TMCC1: variants seen among roughly 807,000 people sequenced by gnomAD.
The protein encoded by TMCC1 is transmembrane and coiled-coil domains protein 1.
Under a neutral mutation model 52.4 loss-of-function variants are expected in TMCC1, and 15 were observed. That is an observed-to-expected ratio of 0.29 (90% confidence interval 0.19 to 0.44). The LOEUF is 0.44. Ranked by LOEUF, TMCC1 falls within the 20% of genes least tolerant of loss-of-function variation. TMCC1 has a pLI of 1.00. For synonymous variants in TMCC1, 279 were observed against 301.9 expected, an observed-to-expected ratio of 0.92 and a Z score of 0.79; for missense variants, 503 against 806.0, an observed-to-expected ratio of 0.62 and a Z score of 4.55.
At chr3:129,845,182 T>C (rs1439135904) in intron 2 of TMCC1, among the ~76,000 whole-genome samples, 1 of 66,212 alleles carries the variant, frequency 1.5e-5, no homozygotes, top group Non-Finnish European at 3.0e-5. Flanking sequence ...AGCAAGTCCC[T>C]GTCACACTCA....
At chr3:129,891,984 G>A (rs2061985573) in intron 1 of TMCC1, among the ~76,000 whole-genome samples, 1 of 152,176 alleles carries the variant, frequency 6.6e-6, no homozygotes, top group African/African-American at 2.4e-5. Flanking sequence ...CAGGTCTTTT[G>A]TGCTCATAAA....
intron 4 of TMCC1, among the ~76,000 whole-genome samples, chr3:129,728,868 G>A (rs551042266): frequency 6.6e-6 from 1 of 152,152 alleles, no homozygotes; most frequent in Non-Finnish European, 1.5e-5. Flanking sequence ...CAATGTCTTT[G>A]AGATGCATAA....
chr3:129,891,954 C>T (rs1017485242), intron 1 of TMCC1, among the ~76,000 whole-genome samples: 2 of 152,286 alleles, frequency 1.3e-5, no homozygotes, highest in East Asian at 3.9e-4. Flanking sequence ...CACTGGGGTT[C>T]TTCATCAAAT....
rs531075714 is a variant in TMCC1 at position 129,784,971 on chromosome 3, C to A, written c.576+42832G>T. ...CTCCAGCCTGGGTGACAGAGCGAGA[C>A]CCTCATCTCTTTTAAAAAAAACAAA... On this transcript the variant is annotated intron_variant, in intron 4 of 6. Transcript: ENST00000393238. Among the ~76,000 whole-genome samples, 16 of 152,016 alleles carry A rather than the reference C, an allele frequency of 1.1e-4. No individual in the cohort carries two copies. The South Asian group carries it at 2.9e-3, about 28-fold the overall frequency.
intron 2 of TMCC1, among the ~76,000 whole-genome samples, chr3:129,849,805 C>T (rs929703097): frequency 2.7e-5 from 4 of 146,182 alleles, no homozygotes; most frequent in African/African-American, 7.6e-5. Flanking sequence ...TCTACATACA[C>T]ACACACATAC....
chr3:129,727,219 T>C (rs1350821857), intron 4 of TMCC1, among the ~76,000 whole-genome samples: 2 of 152,204 alleles, frequency 1.3e-5, no homozygotes, highest in South Asian at 4.1e-4. Context: ...TCCTGCCTTA[T>C]AGCTTCACTA....
chr3:129,686,877 C>T (rs574369986), intron 4 of TMCC1, among the ~76,000 whole-genome samples: 151 of 152,200 alleles, frequency 9.9e-4, no homozygotes, highest in African/African-American at 3.4e-3. Flanking sequence ...GTAGGTTTCA[C>T]ATGCCAAGAA....
chr3:129,744,432 C>T (rs1484393719), intron 4 of TMCC1, among the ~76,000 whole-genome samples: 2 of 152,040 alleles, frequency 1.3e-5, no homozygotes, highest in Non-Finnish European at 2.9e-5. Flanking sequence ...GGATTACAGG[C>T]GTGAGGCACC....
At chr3:129,856,288 T>C (rs2060142628) in intron 2 of TMCC1, among the ~76,000 whole-genome samples, 1 of 152,176 alleles carries the variant, frequency 6.6e-6, no homozygotes, top group Admixed American at 6.6e-5. Flanking sequence ...CCTGGATAGG[T>C]AGCCAGTGGT....
At chr3:129,652,978 T>C (rs1233059269) in intron 6 of TMCC1, among the ~76,000 whole-genome samples, 1 of 152,248 alleles carries the variant, frequency 6.6e-6, no homozygotes, top group Non-Finnish European at 1.5e-5. Context: ...GTTACTTGTA[T>C]TGGCTCAGAA....
At chr3:129,850,168 T>C (rs973989576) in intron 2 of TMCC1, among the ~76,000 whole-genome samples, 2 of 152,222 alleles carry the variant, frequency 1.3e-5, no homozygotes, top group Non-Finnish European at 2.9e-5. Flanking sequence ...AAATATGGAA[T>C]GTCCTATTCT....
At chr3:129,689,358 A>T (rs1024905346) in intron 4 of TMCC1, among the ~76,000 whole-genome samples, 5 of 152,238 alleles carry the variant, frequency 3.3e-5, no homozygotes, top group African/African-American at 1.2e-4. Flanking sequence ...TAGGCAAGTT[A>T]TCAGATCTGA....
At chr3:129,765,147 C>A (rs1297465499) in intron 4 of TMCC1, among the ~76,000 whole-genome samples, 3 of 130,502 alleles carry the variant, frequency 2.3e-5, no homozygotes, top group Non-Finnish European at 3.5e-5. Context: ...CAAAAAAAAA[C>A]CCCAAAAGTC....
intron 4 of TMCC1, among the ~76,000 whole-genome samples, chr3:129,762,662 G>A (rs1299079422): frequency 1.3e-5 from 2 of 152,116 alleles, no homozygotes; most frequent in African/African-American, 4.8e-5. Context: ...CACACCTATG[G>A]TCCCAGCTAC....
intron 4 of TMCC1, among the ~76,000 whole-genome samples, chr3:129,786,209 G>C (rs1235592194): frequency 6.6e-6 from 1 of 152,040 alleles, no homozygotes; most frequent in African/African-American, 2.4e-5. Flanking sequence ...CAAAGTGCTG[G>C]GATTACAAGT....
intron 5 of TMCC1, among the ~76,000 whole-genome samples, chr3:129,659,856 G>C (rs747842115): frequency 6.6e-6 from 1 of 152,124 alleles, no homozygotes; most frequent in Non-Finnish European, 1.5e-5. Context: ...TCTGCAACTC[G>C]CTAGCTTGGG....
intron 4 of TMCC1, among the ~76,000 whole-genome samples, chr3:129,810,503 C>A (rs139906131): frequency 0.025 from 3,759 of 152,288 alleles, 81 homozygotes; most frequent in Middle Eastern, 0.11. Flanking sequence ...AAGCTAAACT[C>A]CTGACAATAG....
At chr3:129,788,792 C>T (rs1439056653) in intron 4 of TMCC1, among the ~76,000 whole-genome samples, 1 of 152,074 alleles carries the variant, frequency 6.6e-6, no homozygotes, top group African/African-American at 2.4e-5. Flanking sequence ...TTTCATGTAA[C>T]AGAAGAACAT....
At chr3:129,659,148 G>A (rs987566794) in intron 5 of TMCC1, among the ~76,000 whole-genome samples, 4 of 149,112 alleles carry the variant, frequency 2.7e-5, no homozygotes, top group Non-Finnish European at 5.9e-5. Flanking sequence ...CACCCAGGGT[G>A]GAGTGCAGTG....
Sources: gnomAD v4.1 joint callset for allele counts (sites outside exome capture counted in the v4.1 genomes callset) on GRCh38, gnomAD v4.1.1 for gene constraint, MANE v1.5 for transcripts, NCBI Gene and HGNC (gene_info 2026-07-23, HGNC 2026-07-21) for gene names.